Variants in NDUFA10 observed in about 807,000 individuals in gnomAD.
The protein encoded by NDUFA10 is NADH dehydrogenase [ubiquinone] 1 alpha subcomplex subunit 10, mitochondrial.
Under a neutral mutation model 47.8 loss-of-function variants are expected in NDUFA10, and 40 were observed. The ratio of observed to expected loss-of-function variants is 0.84; its 90% CI spans 0.65 to 1.09. The LOEUF is 1.09. Among genes scored for constraint, NDUFA10 ranks in the 50% least tolerant of loss-of-function variants. The pLI, the probability that NDUFA10 is intolerant of heterozygous loss-of-function variation, is 0.00. For synonymous variants in NDUFA10, 183 were observed against 172.2 expected (o/e 1.06, Z -0.49); for missense variants, 413 against 451.1 (o/e 0.92, Z 0.76).
rs1011724353 is a variant in NDUFA10 at position 239,993,194 on chromosome 2, G to A, written c.891-3012C>T. 2.0e-5 allele frequency among the ~76,000 whole-genome samples: 3 copies of A among 152,334 alleles called. No individual in the cohort carries two copies. In the South Asian group the frequency reaches 6.2e-4, roughly 32 times the overall value. On this transcript the variant is annotated intron_variant, in intron 8 of 9. Coordinates refer to ENST00000252711, the MANE Select transcript of NDUFA10 (RefSeq NM_004544.4). ...ACTAAATAACTACATGAATGGTGCAGAATCGAACCAACACACATTTCACAC... is the reference window on the plus strand; with the variant it reads ...ACTAAATAACTACATGAATGGTGCAAAATCGAACCAACACACATTTCACAC...
intron 9 of NDUFA10, 132 bp from the exon 10 acceptor site, chr2:239,961,318 C>G: frequency 6.5e-7 from 1 of 1,536,936 alleles, no homozygotes. Context: ...AGCACATGAT[C>G]TGTGGCAGGT....
At chr2:239,996,890 C>T (rs913264306) in intron 8 of NDUFA10, among the ~76,000 whole-genome samples, 1 of 151,740 alleles carries the variant, frequency 6.6e-6, no homozygotes, top group African/African-American at 2.4e-5. Context: ...TCCAATGTGG[C>T]CCAGGGAAGC....
chr2:240,004,756 C>T (rs898983932), intron 8 of NDUFA10, among the ~76,000 whole-genome samples: 6 of 152,186 alleles, frequency 3.9e-5, no homozygotes, highest in African/African-American at 1.4e-4. Context: ...CTGCTCACCC[C>T]ACGGCCCACA....
At position 240,022,190 on chromosome 2, in the gene NDUFA10, C is replaced by A. The variant is rs1697651354; in HGVS notation, c.226G>T (p.Glu76Ter). ...ICTGKGKLAK[E>*]IAEKLGFKHF... Reference sequence around the variant, plus strand: ...ATCATACCTAGTTTCTCTGCTATTTCTTTTGCAAGTTTGCCTTTTCCAGTA... The same window carrying A: ...ATCATACCTAGTTTCTCTGCTATTTATTTTGCAAGTTTGCCTTTTCCAGTA... The change falls in exon 2 of 10, where the codon GAA becomes TAA. Residue 76 changes from glutamate to a stop codon, truncating the protein, a stop_gained. Transcript: ENST00000252711. LOFTEE classifies it high-confidence loss of function. 6.2e-7 allele frequency: 1 copy of A among 1,612,774 alleles called. No homozygotes were observed. Among genetic ancestry groups the A allele is most frequent in the Non-Finnish European group, 8.5e-7 (1 of 1,178,802 alleles).
intron 4 of NDUFA10, among the ~76,000 whole-genome samples, chr2:239,908,776 C>T (rs537449073): frequency 2.6e-5 from 4 of 152,330 alleles, no homozygotes; most frequent in Non-Finnish European, 4.4e-5. Flanking sequence ...GGGCCAGGCC[C>T]TCAGTGCCCT....
At chr2:240,020,175 G>A (rs1045289374) in intron 3 of NDUFA10, among the ~76,000 whole-genome samples, 3 of 152,204 alleles carry the variant, frequency 2.0e-5, no homozygotes, top group Non-Finnish European at 4.4e-5. Flanking sequence ...CTGTGAGCCG[G>A]CCACTCCCAG....
At chr2:239,946,311 G>T (rs186365897) in intron 4 of NDUFA10, among the ~76,000 whole-genome samples, 1 of 152,350 alleles carries the variant, frequency 6.6e-6, no homozygotes, top group African/African-American at 2.4e-5. Flanking sequence ...ACGGGGAGAT[G>T]GGTGCAGTGA....
intron 8 of NDUFA10, among the ~76,000 whole-genome samples, chr2:239,996,600 C>A (rs1320197350): frequency 6.6e-6 from 1 of 152,190 alleles, no homozygotes; most frequent in Non-Finnish European, 1.5e-5. Flanking sequence ...CCAGGGCTTC[C>A]TTCCCAGACC....
At chr2:239,975,391 A>G (rs1178731291) in intron 9 of NDUFA10, among the ~76,000 whole-genome samples, 3 of 152,162 alleles carry the variant, frequency 2.0e-5, no homozygotes, top group African/African-American at 7.2e-5. Flanking sequence ...TACAACCCCC[A>G]CACCTTAGTC....
At chr2:239,978,983 G>A (rs1469536916) in intron 9 of NDUFA10, among the ~76,000 whole-genome samples, 1 of 152,144 alleles carries the variant, frequency 6.6e-6, no homozygotes, top group Admixed American at 6.5e-5. Flanking sequence ...GTGAAAGTTA[G>A]AATAACGGCT....
chr2:239,905,857 G>A (rs376475174), intron 4 of NDUFA10, among the ~76,000 whole-genome samples: 1 of 127,480 alleles, frequency 7.8e-6, no homozygotes, highest in East Asian at 3.0e-4. Flanking sequence ...GAGGGGAGGG[G>A]AGGGGAGCAG....
chr2:239,979,198 G>A (rs962028320), intron 9 of NDUFA10, among the ~76,000 whole-genome samples: 2 of 152,198 alleles, frequency 1.3e-5, no homozygotes, highest in Admixed American at 1.3e-4. Context: ...CTAAATTAAA[G>A]CCTTTACACC....
intron 4 of NDUFA10, among the ~76,000 whole-genome samples, chr2:239,919,825 C>G (rs1198909955): frequency 6.6e-6 from 1 of 152,168 alleles, no homozygotes; most frequent in Admixed American, 6.5e-5. Context: ...GTTCTCCTGC[C>G]ATTTGGAGAG....
intron 4 of NDUFA10, among the ~76,000 whole-genome samples, chr2:239,905,812 A>AGGGGC (rs1693642906): frequency 1.1e-5 from 1 of 95,158 alleles, no homozygotes; most frequent in African/African-American, 4.2e-5. Flanking sequence ...AGGGGAGGGG[A>AGGGGC]AGGGAGGGGA....
chr2:239,919,681 G>C (rs530923825), intron 4 of NDUFA10, among the ~76,000 whole-genome samples: 5 of 152,272 alleles, frequency 3.3e-5, no homozygotes, highest in Admixed American at 2.0e-4. Flanking sequence ...CATCCTAAGA[G>C]GATCACATTC....
intron 4 of NDUFA10, among the ~76,000 whole-genome samples, chr2:240,015,591 C>A (rs1697314551): frequency 6.6e-6 from 1 of 152,260 alleles, no homozygotes. Context: ...AGGAATAATT[C>A]TCCTAAAGTG....
intron 4 of NDUFA10, among the ~76,000 whole-genome samples, chr2:240,017,259 C>T (rs1181372823): frequency 6.6e-6 from 1 of 152,194 alleles, no homozygotes; most frequent in Non-Finnish European, 1.5e-5. Flanking sequence ...GGCGCAGCTC[C>T]TTCCTCGTGC....
At chr2:239,978,680 A>C (rs1695635035) in intron 9 of NDUFA10, among the ~76,000 whole-genome samples, 1 of 152,204 alleles carries the variant, frequency 6.6e-6, no homozygotes. Flanking sequence ...TGTACTTGTC[A>C]TTGCAATTGC....
chr2:239,959,923 G>C lies in NDUFA10; in HGVS notation c.*1195C>G, dbSNP rs750959347. 40 of 985,400 alleles carry C rather than the reference G, an allele frequency of 4.1e-5. No individual in the cohort carries two copies. The highest frequency in any genetic ancestry group is 4.7e-5 in the Non-Finnish European group (39 of 829,956). 61.0% of individuals were successfully genotyped at this position (985,400 alleles called of 1,614,324 possible). On this transcript the variant is annotated 3_prime_UTR_variant, in exon 10 of 10. Coordinates refer to ENST00000252711, the MANE Select transcript of NDUFA10 (RefSeq NM_004544.4). Reference sequence around the variant, plus strand: ...TTCTTCGCATGCTCCGCAGCAGCGAGGCCTGGTAGAGCTTCCGCGGGGAGC... The same window carrying C: ...TTCTTCGCATGCTCCGCAGCAGCGACGCCTGGTAGAGCTTCCGCGGGGAGC...
Sources: allele counts gnomAD v4.1 joint callset (sites outside exome capture counted in the v4.1 genomes callset), GRCh38; gene constraint gnomAD v4.1.1; transcripts MANE v1.5; gene names NCBI Gene and HGNC (gene_info 2026-07-23, HGNC 2026-07-21).